The following KCND2 variants were observed in gnomAD, a reference collection of about 807,000 sequenced individuals.
The protein encoded by KCND2 is A-type voltage-gated potassium channel KCND2.
KCND2 carries 16 observed loss-of-function variants against 54.4 expected under a neutral mutation model. That is an observed-to-expected ratio of 0.29 (90% confidence interval 0.20 to 0.45). The LOEUF (loss-of-function observed/expected upper bound fraction) is 0.45, where lower values mean the gene tolerates loss of function less well. Among genes scored for constraint, KCND2 ranks in the 20% least tolerant of loss-of-function variants. The pLI is 1.00. For synonymous variants in KCND2, 317 were observed against 310.7 expected, an observed-to-expected ratio of 1.02 and a Z score of -0.21; for missense variants, 486 against 824.2, an observed-to-expected ratio of 0.59 and a Z score of 5.02.
intron 1 of KCND2, among the ~76,000 whole-genome samples, chr7:120,672,047 C>T (rs60063844): frequency 0.13 from 20,259 of 151,986 alleles, 1,911 homozygotes; most frequent in East Asian, 0.42. Flanking sequence ...AGCCTGTCCT[C>T]ACCTGTTCTT....
intron 1 of KCND2, among the ~76,000 whole-genome samples, chr7:120,552,135 C>A (rs897670479): frequency 6.6e-6 from 1 of 152,098 alleles, no homozygotes; most frequent in Non-Finnish European, 1.5e-5. Context: ...TGAAGTTTTC[C>A]TTATAATCCC....
intron 1 of KCND2, among the ~76,000 whole-genome samples, chr7:120,668,855 A>G (rs548919241): frequency 1.3e-5 from 2 of 152,174 alleles, no homozygotes; most frequent in South Asian, 4.1e-4. Context: ...CTACCAAATC[A>G]TTTCATTTTT....
rs1275147248 is a variant in KCND2 at position 120,530,479 on chromosome 7, A to G, written c.1116-202424A>G. On this transcript the variant is annotated intron_variant, in intron 1 of 5. Coordinates refer to ENST00000331113, the MANE Select transcript of KCND2 (RefSeq NM_012281.3). ...CATCCTTCTTTGAAGTATATATCTA[A>G]CATTGTCATTGCTTCCAAAGACATC... Among the ~76,000 whole-genome samples, 6 of 152,172 alleles carry G rather than the reference A, an allele frequency of 3.9e-5. No homozygotes were observed. The East Asian group carries it at 1.2e-3, about 29-fold the overall frequency.
At chr7:120,573,556 C>A (rs1008474628) in intron 1 of KCND2, among the ~76,000 whole-genome samples, 2 of 152,090 alleles carry the variant, frequency 1.3e-5, no homozygotes, top group Non-Finnish European at 2.9e-5. Context: ...GTGGGCTGCT[C>A]CTCCTAGTAG....
intron 1 of KCND2, among the ~76,000 whole-genome samples, chr7:120,366,665 A>G (rs1800686592): frequency 6.6e-6 from 1 of 152,136 alleles, no homozygotes; most frequent in Non-Finnish European, 1.5e-5. Flanking sequence ...CCAACATGTG[A>G]CAGAACAATG....
chr7:120,363,274 A>T (rs1800620175), intron 1 of KCND2, among the ~76,000 whole-genome samples: 1 of 152,050 alleles, frequency 6.6e-6, no homozygotes, highest in Admixed American at 6.6e-5. Flanking sequence ...TTGGCCCTTG[A>T]GCCTGGATGA....
intron 1 of KCND2, among the ~76,000 whole-genome samples, chr7:120,607,105 G>C (rs900743387): frequency 1.3e-5 from 2 of 152,092 alleles, no homozygotes; most frequent in African/African-American, 2.4e-5. Context: ...GGTTTTTAAG[G>C]CTCCTAGGGA....
At chr7:120,494,131 A>G (rs1465903143) in intron 1 of KCND2, among the ~76,000 whole-genome samples, 1 of 152,162 alleles carries the variant, frequency 6.6e-6, no homozygotes, top group East Asian at 1.9e-4. Context: ...TTAAAGCAAT[A>G]AAATAATAAG....
chr7:120,483,387 G>C (rs1322019190), intron 1 of KCND2, among the ~76,000 whole-genome samples: 1 of 152,090 alleles, frequency 6.6e-6, no homozygotes, highest in Non-Finnish European at 1.5e-5. Context: ...TGGGAATCTG[G>C]GTCCCTCATC....
intron 1 of KCND2, among the ~76,000 whole-genome samples, chr7:120,407,842 A>G (rs1004602209): frequency 6.6e-6 from 1 of 151,886 alleles, no homozygotes; most frequent in Non-Finnish European, 1.5e-5. Flanking sequence ...TTTCTCAAAC[A>G]TACTATATGA....
At chr7:120,380,774 CA>C (rs891688412) in intron 1 of KCND2, among the ~76,000 whole-genome samples, 51 of 152,002 alleles carry the variant, frequency 3.4e-4, no homozygotes, top group African/African-American at 1.2e-3. Context: ...AGTTGTTTCC[CA>C]AAACCCAAAC....
intron 1 of KCND2, among the ~76,000 whole-genome samples, chr7:120,293,802 A>G (rs1799471911): frequency 6.6e-6 from 1 of 151,904 alleles, no homozygotes; most frequent in Non-Finnish European, 1.5e-5. Context: ...GATTGATGTT[A>G]GTTCTGTCTC....
At chr7:120,733,593 C>T (rs1313670056) in intron 2 of KCND2, among the ~76,000 whole-genome samples, 1 of 152,096 alleles carries the variant, frequency 6.6e-6, no homozygotes, top group Admixed American at 6.6e-5. Flanking sequence ...AGATCTGATT[C>T]ATTGAGTCTC....
At chr7:120,427,208 CA>C (rs1801720352) in intron 1 of KCND2, among the ~76,000 whole-genome samples, 2 of 152,168 alleles carry the variant, frequency 1.3e-5, no homozygotes, top group African/African-American at 4.8e-5. Flanking sequence ...CACTATCTGT[CA>C]ACATTTCATA....
chr7:120,687,160 A>G (rs1448222209), intron 1 of KCND2, among the ~76,000 whole-genome samples: 2 of 152,136 alleles, frequency 1.3e-5, no homozygotes, highest in East Asian at 3.9e-4. Context: ...ACGGAAGGAC[A>G]AATACTACAT....
chr7:120,743,056 T>G (rs1166116999), intron 4 of KCND2, among the ~76,000 whole-genome samples: 3 of 152,156 alleles, frequency 2.0e-5, no homozygotes, highest in Non-Finnish European at 4.4e-5. Flanking sequence ...TTCACAACCA[T>G]AATGAATAGA....
intron 1 of KCND2, among the ~76,000 whole-genome samples, chr7:120,384,297 G>T (rs1200636767): frequency 6.6e-6 from 1 of 151,934 alleles, no homozygotes; most frequent in Non-Finnish European, 1.5e-5. Flanking sequence ...TATCTAAGAA[G>T]TTATACACAT....
rs150136065 is a variant in KCND2 at position 120,311,337 on chromosome 7, A to G, written c.1115+35590A>G. ...CCAAATTGCCTTTGTTATAAAAATC[A>G]GAAAAGAAGAATAGAAATAGTTTAA... On this transcript the variant is annotated intron_variant, in intron 1 of 5. Coordinates refer to ENST00000331113, the MANE Select transcript of KCND2 (RefSeq NM_012281.3). Among the ~76,000 whole-genome samples, 315 of 152,344 alleles carry G rather than the reference A, an allele frequency of 2.1e-3. 4 individuals carry two copies. Among genetic ancestry groups the G allele is most frequent in the African/African-American group, 7.4e-3 (306 of 41,574 alleles).
chr7:120,634,851 A>G (rs1793284396), intron 1 of KCND2, among the ~76,000 whole-genome samples: 1 of 152,064 alleles, frequency 6.6e-6, no homozygotes, highest in Non-Finnish European at 1.5e-5. Context: ...CCCTCACCTC[A>G]CAGGCCATTC....
Sources: gnomAD v4.1 joint callset for allele counts (sites outside exome capture counted in the v4.1 genomes callset) on GRCh38, gnomAD v4.1.1 for gene constraint, MANE v1.5 for transcripts, NCBI Gene and HGNC (gene_info 2026-07-23, HGNC 2026-07-21) for gene names.